The following NWD1 variants were observed in gnomAD, a reference collection of about 807,000 sequenced individuals.
NWD1 encodes the protein NACHT and WD repeat domain containing 1.
A neutral mutation model predicts 135.1 loss-of-function variants in NWD1; 129 were observed. The ratio of observed to expected loss-of-function variants is 0.96; its 90% CI spans 0.83 to 1.11. The LOEUF is 1.11. NWD1 is among the 50% of genes least tolerant of loss of function. NWD1 has a pLI of 0.00. For missense variants in NWD1, 1,740 were observed against 1,851.3 expected (o/e 0.94, Z 1.10); for synonymous variants, 773 against 786.0 (o/e 0.98, Z 0.28).
At chr19:16,802,016 T>A (rs1970616491) in intron 17 of NWD1, among the ~76,000 whole-genome samples, 1 of 152,080 alleles carries the variant, frequency 6.6e-6, no homozygotes, top group Non-Finnish European at 1.5e-5. Context: ...CCGGGCATGG[T>A]GGCTCACGCC....
intron 5 of NWD1, among the ~76,000 whole-genome samples, chr19:16,747,042 T>TC (rs535312086): frequency 1.2e-4 from 18 of 149,754 alleles, no homozygotes; most frequent in East Asian, 3.9e-4. Flanking sequence ...TTTCTTTCTT[T>TC]TTTTTTTTTT....
At chr19:16,773,696 T>G (rs1249409852) in intron 11 of NWD1, among the ~76,000 whole-genome samples, 1 of 152,182 alleles carries the variant, frequency 6.6e-6, no homozygotes, top group East Asian at 1.9e-4. Flanking sequence ...TAAGCAGCCC[T>G]TGGAATCCCA....
chr19:16,738,088 T>A (rs1967913142), intron 4 of NWD1: 1 of 288,420 alleles, frequency 3.5e-6, no homozygotes, highest in Admixed American at 4.1e-5. Flanking sequence ...AAGTAAAGCT[T>A]TATTGGCACA....
intron 6 of NWD1, among the ~76,000 whole-genome samples, chr19:16,751,425 AAG>A (rs1228692788): frequency 6.6e-6 from 1 of 151,506 alleles, no homozygotes; most frequent in Non-Finnish European, 1.5e-5. Flanking sequence ...GGAAGAGTGA[AAG>A]AAGGAAAGGA....
intron 3 of NWD1, among the ~76,000 whole-genome samples, 174 bp downstream of exon 3, chr19:16,731,452 G>A (rs377353431): frequency 1.9e-4 from 29 of 151,666 alleles, no homozygotes; most frequent in African/African-American, 6.5e-4. Flanking sequence ...GACTACAGGC[G>A]TGCGCCACCA....
chr19:16,806,827 C>T (rs935813693), intron 17 of NWD1, among the ~76,000 whole-genome samples: 19 of 150,798 alleles, frequency 1.3e-4, no homozygotes, highest in African/African-American at 4.6e-4. Context: ...CCAGCCTGGC[C>T]AATATAGCGA....
chr19:16,789,719 T>TG (rs951823869), intron 13 of NWD1, among the ~76,000 whole-genome samples: 2 of 146,438 alleles, frequency 1.4e-5, no homozygotes, highest in Non-Finnish European at 3.0e-5. Flanking sequence ...TCTCTCTCTT[T>TG]TTTTTTTTTT....
intron 12 of NWD1, among the ~76,000 whole-genome samples, chr19:16,785,388 G>C (rs1038256516): frequency 6.6e-6 from 1 of 151,834 alleles, no homozygotes; most frequent in Non-Finnish European, 1.5e-5. Context: ...GCGCATGTCT[G>C]TAATCCCAGC....
intron 2 of NWD1, among the ~76,000 whole-genome samples, chr19:16,725,874 T>C (rs2122669532): frequency 6.7e-6 from 1 of 149,682 alleles, no homozygotes; most frequent in South Asian, 2.1e-4. Flanking sequence ...CTTGGGCTCA[T>C]GCAATCCTCC....
chr19:16,812,570 G>C (rs532008468), intron 18 of NWD1, among the ~76,000 whole-genome samples: 3 of 152,078 alleles, frequency 2.0e-5, no homozygotes, highest in Non-Finnish European at 4.4e-5. Context: ...TTGGGAGGCT[G>C]AGGCAGGAGA....
chr19:16,775,736 T>G (rs1343212501), intron 11 of NWD1, among the ~76,000 whole-genome samples: 10 of 152,212 alleles, frequency 6.6e-5, no homozygotes, highest in Admixed American at 6.5e-4. Context: ...TGGCGCAATC[T>G]CGGCTCACTG....
chr19:16,734,686 T>C (rs1967722451), intron 3 of NWD1, among the ~76,000 whole-genome samples: 1 of 151,794 alleles, frequency 6.6e-6, no homozygotes, highest in Non-Finnish European at 1.5e-5. Flanking sequence ...TCCTCCTGTC[T>C]CAGCCTCTCA....
At chr19:16,727,776 G>A (rs74260267) in intron 2 of NWD1, 20,318 of 152,704 alleles carry the variant, frequency 0.13, 1,710 homozygotes, top group Non-Finnish European at 0.18. Flanking sequence ...AGACCTAGAC[G>A]TGAACCAAGT....
intron 4 of NWD1, among the ~76,000 whole-genome samples, chr19:16,737,465 C>A (rs1967870141): frequency 6.6e-6 from 1 of 151,910 alleles, no homozygotes; most frequent in African/African-American, 2.4e-5. Flanking sequence ...CTATGTTGCC[C>A]AGGCTGGTCT....
intron 7 of NWD1, among the ~76,000 whole-genome samples, chr19:16,761,544 G>A (rs543148811): frequency 3.3e-5 from 5 of 151,038 alleles, no homozygotes; most frequent in Admixed American, 3.3e-4. Flanking sequence ...CTTTTTTTTA[G>A]TACAGACAGG....
At chr19:16,784,861 G>A (rs1008222896) in intron 12 of NWD1, among the ~76,000 whole-genome samples, 2 of 151,816 alleles carry the variant, frequency 1.3e-5, no homozygotes, top group African/African-American at 2.4e-5. Context: ...CCCGGGGGGC[G>A]GAGGTTGCAG....
intron 10 of NWD1, among the ~76,000 whole-genome samples, chr19:16,767,488 G>A (rs1969267535): frequency 6.6e-6 from 1 of 152,078 alleles, no homozygotes; most frequent in South Asian, 2.1e-4. Flanking sequence ...GGTGGCACAT[G>A]CCTGTAGTTC....
intron 10 of NWD1, among the ~76,000 whole-genome samples, chr19:16,765,774 T>C (rs1322485208): frequency 1.3e-5 from 2 of 151,990 alleles, no homozygotes; most frequent in Non-Finnish European, 2.9e-5. Flanking sequence ...ATCCCAGCAC[T>C]CTGGGAAGCC....
Position 16,807,881 on chromosome 19 carries a change from C to A in NWD1, c.4032C>A (p.Tyr1344Ter). Residue 1344 changes from tyrosine (Y) to a stop codon, truncating the protein, a stop_gained, in exon 18 of 19, where the codon TAC becomes TAA. Coordinates refer to ENST00000524140, the MANE Select transcript of NWD1 (RefSeq NM_001007525.5). LOFTEE classifies it high-confidence loss of function. ...PVIDGPRYTF[Y>*]TQLPETLSSV... is the part of the protein sequence containing the mutation. Reference sequence around the variant, plus strand: ...TCGATGGGCCAAGATACACCTTTTACACTCAGCTGCCCGAGACCCTCTCCA... The same window carrying A: ...TCGATGGGCCAAGATACACCTTTTAAACTCAGCTGCCCGAGACCCTCTCCA... 1 of 1,614,246 alleles carries A rather than the reference C, an allele frequency of 6.2e-7. No homozygotes were observed. The highest frequency in any genetic ancestry group is 1.3e-5 in the African/African-American group (1 of 75,072).
Sources: gnomAD v4.1 joint callset for allele counts (sites outside exome capture counted in the v4.1 genomes callset) on GRCh38, gnomAD v4.1.1 for gene constraint, MANE v1.5 for transcripts, NCBI Gene and HGNC (gene_info 2026-07-23, HGNC 2026-07-21) for gene names.